The following BCAR3 variants were observed in gnomAD, a reference collection of about 807,000 sequenced individuals.
The protein encoded by BCAR3 is BCAR3 adaptor protein, NSP family member, also known as breast cancer anti-estrogen resistance protein 3.
In BCAR3, 37 loss-of-function variants were observed where a neutral mutation model predicts 80.1. The ratio of observed to expected loss-of-function variants is 0.46; its 90% confidence interval spans 0.36 to 0.61. The LOEUF (loss-of-function observed/expected upper bound fraction) is 0.61, where lower values mean the gene tolerates loss of function less well. Among genes scored for constraint, BCAR3 ranks in the 20% least tolerant of loss-of-function variants. BCAR3 has a pLI of 0.00. For synonymous variants in BCAR3, 389 were observed against 418.9 expected (o/e 0.93, Z 0.87); for missense variants, 978 against 1,068.2 (o/e 0.92, Z 1.18).
chr1:93,843,171 G>A (rs928905788), intron 2 of BCAR3, among the ~76,000 whole-genome samples: 2 of 152,164 alleles, frequency 1.3e-5, no homozygotes, highest in African/African-American at 4.8e-5. Flanking sequence ...AGAACTGTGA[G>A]GAATTGAAGC....
chr1:93,816,922 C>T (rs2100812772), intron 2 of BCAR3, among the ~76,000 whole-genome samples: 1 of 152,222 alleles, frequency 6.6e-6, no homozygotes, highest in South Asian at 2.1e-4. Context: ...TTGCTGAAGT[C>T]CTAAAACTGC....
intron 2 of BCAR3, among the ~76,000 whole-genome samples, chr1:93,758,876 A>G (rs1651836366): frequency 6.6e-6 from 1 of 152,162 alleles, no homozygotes; most frequent in African/African-American, 2.4e-5. Context: ...ATAGGAGAAA[A>G]GTCCAGCTGT....
chr1:93,806,593 T>C lies in BCAR3; in HGVS notation c.-63+38974A>G, dbSNP rs1448126291. Among the ~76,000 whole-genome samples the C allele has an allele frequency of 3.3e-5, 5 of 152,318 alleles. No homozygotes were observed. In the South Asian group the frequency reaches 1.0e-3, roughly 32 times the overall value. The stretch of plus-strand genomic sequence containing the variant: ...CTAGGAGGGGGTTTTAAGACAATTG[T>C]GTTTCCTTCAGAAGTTTTTTTCAGT... On this transcript the variant is annotated intron_variant, in intron 2 of 13. Coordinates refer to the BCAR3 transcript ENST00000370244.
intron 2 of BCAR3, among the ~76,000 whole-genome samples, chr1:93,801,890 T>A (rs1653492206): frequency 6.6e-6 from 1 of 152,138 alleles, no homozygotes; most frequent in South Asian, 2.1e-4. Context: ...GAGGCCAAGA[T>A]GGGTAGATCA....
At chr1:93,760,280 G>A (rs1476322383) in intron 2 of BCAR3, among the ~76,000 whole-genome samples, 1 of 152,162 alleles carries the variant, frequency 6.6e-6, no homozygotes, top group Non-Finnish European at 1.5e-5. Flanking sequence ...AGGAAGTCTT[G>A]CACTAGGAAT....
At chr1:93,709,796 C>T (rs897158280) in intron 2 of BCAR3, among the ~76,000 whole-genome samples, 33 of 152,084 alleles carry the variant, frequency 2.2e-4, no homozygotes, top group Non-Finnish European at 4.0e-4. Context: ...TCAACTCAAC[C>T]GTCCTATATT....
chr1:93,733,654 T>A (rs1278005566), intron 2 of BCAR3, among the ~76,000 whole-genome samples: 1 of 152,166 alleles, frequency 6.6e-6, no homozygotes, highest in Non-Finnish European at 1.5e-5. Flanking sequence ...CACAGCTGGA[T>A]GATGTGTGTG....
At chr1:93,579,684 T>C (rs866439829) in intron 7 of BCAR3, among the ~76,000 whole-genome samples, 1 of 151,814 alleles carries the variant, frequency 6.6e-6, no homozygotes, top group Admixed American at 6.6e-5. Flanking sequence ...AGAGGATCAT[T>C]AAGCCCTGCC....
At chr1:93,572,263 CCT>C (rs1187715865) in intron 8 of BCAR3, among the ~76,000 whole-genome samples, 4 of 152,114 alleles carry the variant, frequency 2.6e-5, no homozygotes, top group African/African-American at 9.7e-5. Context: ...CACTGAGCCC[CCT>C]GGATTTGGGG....
At position 93,614,937 on chromosome 1, in the gene BCAR3, A is replaced by G. The variant is rs193221216; in HGVS notation, c.358-22544T>C. Among the ~76,000 whole-genome samples the G allele has an allele frequency of 5.9e-5, 9 of 152,018 alleles. No homozygotes were observed. The East Asian group carries it at 1.5e-3, about 26-fold the overall frequency. On this transcript the variant is annotated intron_variant, in intron 3 of 11. Coordinates refer to ENST00000260502, the MANE Select transcript of BCAR3 (RefSeq NM_003567.4). ...GGCCTCTACCCCTACCAAGAGCCAC[A>G]TAACACCTTTAGGGAAAACTAACTG...
intron 2 of BCAR3, among the ~76,000 whole-genome samples, chr1:93,767,406 C>G (rs1413502364): frequency 1.3e-5 from 2 of 151,910 alleles, no homozygotes; most frequent in Non-Finnish European, 2.9e-5. Context: ...TGCCTGTAGT[C>G]TCAGTTACTT....
intron 2 of BCAR3, among the ~76,000 whole-genome samples, chr1:93,714,266 C>A (rs1244623652): frequency 6.6e-6 from 1 of 152,244 alleles, no homozygotes; most frequent in East Asian, 1.9e-4. Flanking sequence ...CGGGCGTGAG[C>A]CACCGCGCCC....
At chr1:93,805,776 C>G (rs961415652) in intron 2 of BCAR3, among the ~76,000 whole-genome samples, 1 of 152,028 alleles carries the variant, frequency 6.6e-6, no homozygotes, top group Non-Finnish European at 1.5e-5. Flanking sequence ...AACAGACAAA[C>G]ATAATTTTAG....
chr1:93,822,337 T>A (rs1351060313), intron 2 of BCAR3, among the ~76,000 whole-genome samples: 1 of 136,808 alleles, frequency 7.3e-6, no homozygotes, highest in Non-Finnish European at 1.5e-5. Context: ...CCATCTCGCA[T>A]GGCTAATTTT....
At chr1:93,719,844 C>T (rs1428889899) in intron 2 of BCAR3, among the ~76,000 whole-genome samples, 1 of 152,110 alleles carries the variant, frequency 6.6e-6, no homozygotes, top group Non-Finnish European at 1.5e-5. Flanking sequence ...AATTGGGTCC[C>T]TTGATGCATG....
intron 2 of BCAR3, among the ~76,000 whole-genome samples, chr1:93,811,494 CG>C (rs769912740): frequency 1.3e-5 from 2 of 152,142 alleles, no homozygotes; most frequent in Non-Finnish European, 2.9e-5. Flanking sequence ...GTGCAAACAC[CG>C]GGTCTCTTTC....
At chr1:93,626,684 T>C (rs1353145428) in intron 3 of BCAR3, among the ~76,000 whole-genome samples, 2 of 152,150 alleles carry the variant, frequency 1.3e-5, no homozygotes, top group Non-Finnish European at 2.9e-5. Context: ...TGAAGAAAAA[T>C]AGCCAGTTCC....
intron 2 of BCAR3, among the ~76,000 whole-genome samples, chr1:93,722,128 G>A (rs1366926562): frequency 3.3e-5 from 5 of 152,204 alleles, no homozygotes; most frequent in African/African-American, 1.2e-4. Context: ...GGGGAGGGGC[G>A]GCCATGGCCG....
chr1:93,718,688 C>CT (rs71094259), intron 2 of BCAR3, among the ~76,000 whole-genome samples: 218 of 77,038 alleles, frequency 2.8e-3, no homozygotes, highest in East Asian at 0.016. Flanking sequence ...CATTGTTTTT[C>CT]TTTTTTTTTT....
Sources: gnomAD v4.1 joint callset for allele counts (sites outside exome capture counted in the v4.1 genomes callset) on GRCh38, gnomAD v4.1.1 for gene constraint, MANE v1.5 for transcripts, NCBI Gene and HGNC (gene_info 2026-07-23, HGNC 2026-07-21) for gene names.